The following KIAA0825 variants were observed in gnomAD, a reference collection of about 807,000 sequenced individuals.
KIAA0825 encodes the protein uncharacterized protein KIAA0825.
A neutral mutation model predicts 147.6 loss-of-function variants in KIAA0825; 119 were observed. The observed-to-expected ratio is 0.81, with a 90% CI of 0.69 to 0.94. The LOEUF (loss-of-function observed/expected upper bound fraction) is 0.94. Ranked by LOEUF, KIAA0825 falls within the 40% of genes least tolerant of loss-of-function variation. The pLI, the probability that KIAA0825 is intolerant of heterozygous loss-of-function variation, is 0.00. For missense variants in KIAA0825, 1,381 were observed against 1,472.7 expected (o/e 0.94, Z 1.02); for synonymous variants, 470 against 518.1 (o/e 0.91, Z 1.26).
intron 20 of KIAA0825, among the ~76,000 whole-genome samples, chr5:94,266,067 G>GA (rs1776726652): frequency 6.6e-6 from 1 of 151,988 alleles, no homozygotes; most frequent in South Asian, 2.1e-4. Context: ...TTTTTTACAT[G>GA]AAAAAACAAC....
intron 2 of KIAA0825, among the ~76,000 whole-genome samples, chr5:94,571,756 A>C (rs577660168): frequency 1.5e-3 from 234 of 152,356 alleles, no homozygotes; most frequent in Admixed American, 3.0e-3. Flanking sequence ...AGAGTTATAC[A>C]TGAATTATTT....
chr5:94,589,217 G>C (rs1192411710), intron 1 of KIAA0825, among the ~76,000 whole-genome samples: 1 of 152,068 alleles, frequency 6.6e-6, no homozygotes, highest in African/African-American at 2.4e-5. Flanking sequence ...TTAAACATGG[G>C]TTCTGATTAA....
chr5:94,500,556 T>C (rs1221413140), intron 5 of KIAA0825, among the ~76,000 whole-genome samples: 1 of 152,022 alleles, frequency 6.6e-6, no homozygotes, highest in Non-Finnish European at 1.5e-5. Flanking sequence ...ATCCAGGGAA[T>C]GGTGAGGAGT....
chr5:94,465,031 A>C lies in KIAA0825; in HGVS notation c.1901T>G (p.Met634Arg), dbSNP rs1363704133. Residue 634 changes from methionine to arginine, a missense_variant, in exon 11 of 21, where the codon ATG becomes AGG. Transcript: ENST00000682413. ...EGERCSFSIQ[M>R]WHYFCWSLHY... ...AAGAGACCAGCAGAAATAATGCCAC[A>C]TCTGGATCGAGAAGGAACATCTTTC... The C allele has an allele frequency of 1.9e-6, 3 of 1,551,630 alleles. No homozygotes were observed. In the Admixed American group the frequency reaches 5.9e-5, roughly 30 times the overall value.
intron 20 of KIAA0825, among the ~76,000 whole-genome samples, chr5:94,216,199 C>T (rs1773180746): frequency 6.6e-6 from 1 of 152,030 alleles, no homozygotes; most frequent in East Asian, 1.9e-4. Flanking sequence ...GTTTATTTGG[C>T]CCTAAGTAAG....
chr5:94,443,008 A>T (rs1757277454), intron 13 of KIAA0825, among the ~76,000 whole-genome samples: 1 of 152,108 alleles, frequency 6.6e-6, no homozygotes, highest in Admixed American at 6.6e-5. Context: ...ATGGAATAAA[A>T]TCATTTGAAT....
chr5:94,288,768 C>T (rs533920193), intron 20 of KIAA0825, among the ~76,000 whole-genome samples: 1 of 152,250 alleles, frequency 6.6e-6, no homozygotes, highest in African/African-American at 2.4e-5. Context: ...AAACAACGTG[C>T]CAATTCTGTG....
intron 20 of KIAA0825, among the ~76,000 whole-genome samples, chr5:94,201,979 C>T (rs1045347075): frequency 1.3e-5 from 2 of 152,082 alleles, no homozygotes; most frequent in African/African-American, 4.8e-5. Flanking sequence ...GGTGATCAGA[C>T]GTCACTTGGG....
chr5:94,208,507 G>A (rs1030445175), intron 20 of KIAA0825, among the ~76,000 whole-genome samples: 2 of 152,210 alleles, frequency 1.3e-5, no homozygotes, highest in Non-Finnish European at 2.9e-5. Flanking sequence ...ATCTTTGGGA[G>A]ATAAAGCACA....
intron 20 of KIAA0825, among the ~76,000 whole-genome samples, chr5:94,331,594 G>A (rs1044364921): frequency 1.3e-5 from 2 of 152,018 alleles, no homozygotes. Flanking sequence ...AAAACCAGAC[G>A]AAGACATTAT....
chr5:94,261,539 A>G (rs1265320593), intron 20 of KIAA0825, among the ~76,000 whole-genome samples: 1 of 152,162 alleles, frequency 6.6e-6, no homozygotes, highest in Non-Finnish European at 1.5e-5. Flanking sequence ...AGATTGAGAG[A>G]TAAGAAAACA....
At chr5:94,356,443 TA>T (rs1180086547) in intron 20 of KIAA0825, among the ~76,000 whole-genome samples, 1 of 150,028 alleles carries the variant, frequency 6.7e-6, no homozygotes, top group Non-Finnish European at 1.5e-5. Flanking sequence ...CCGTCTCTAC[TA>T]AAAATACAAA....
intron 20 of KIAA0825, among the ~76,000 whole-genome samples, chr5:94,305,391 T>C (rs1377332847): frequency 6.6e-6 from 1 of 151,928 alleles, no homozygotes; most frequent in Non-Finnish European, 1.5e-5. Flanking sequence ...CAGCACACAG[T>C]GTTTCACAGC....
chr5:94,171,904 G>A (rs73773582), intron 20 of KIAA0825, among the ~76,000 whole-genome samples: 2,799 of 152,024 alleles, frequency 0.018, 93 homozygotes, highest in African/African-American at 0.064. Flanking sequence ...AAAACAGAAG[G>A]ATCCTTAAGA....
At chr5:94,477,714 G>A (rs1320440906) in intron 6 of KIAA0825, among the ~76,000 whole-genome samples, 1 of 151,860 alleles carries the variant, frequency 6.6e-6, no homozygotes, top group African/African-American at 2.4e-5. Context: ...GCATATCAAC[G>A]ATTCATTTAA....
intron 20 of KIAA0825, among the ~76,000 whole-genome samples, chr5:94,293,965 G>C (rs538077653): frequency 6.6e-6 from 1 of 150,488 alleles, no homozygotes; most frequent in Non-Finnish European, 1.5e-5. Flanking sequence ...TGTTTTTTTT[G>C]CTTTCCATTT....
At chr5:94,607,272 TTA>T (rs1420621819) in intron 1 of KIAA0825, among the ~76,000 whole-genome samples, 1 of 151,956 alleles carries the variant, frequency 6.6e-6, no homozygotes, top group African/African-American at 2.4e-5. Flanking sequence ...CAACAAAACA[TTA>T]TATGTCATTT....
chr5:94,416,592 T>G (rs1192103004), intron 15 of KIAA0825: 2 of 152,146 alleles, frequency 1.3e-5, no homozygotes, highest in Non-Finnish European at 2.9e-5. Context: ...ATGTGAGAAT[T>G]TTTACGCCTG....
chr5:94,613,870 T>C (rs1197131966), intron 1 of KIAA0825, among the ~76,000 whole-genome samples: 1 of 152,258 alleles, frequency 6.6e-6, no homozygotes, highest in African/African-American at 2.4e-5. Flanking sequence ...ATATACCCTT[T>C]CATACCTTAT....
Sources: gnomAD v4.1 joint callset for allele counts (sites outside exome capture counted in the v4.1 genomes callset) on GRCh38, gnomAD v4.1.1 for gene constraint, MANE v1.5 for transcripts, NCBI Gene and HGNC (gene_info 2026-07-23, HGNC 2026-07-21) for gene names.